Variants in TTC29 observed in about 807,000 individuals in gnomAD.
TTC29 encodes the protein tetratricopeptide repeat protein 29.
In TTC29, 49 loss-of-function variants were observed where a neutral mutation model predicts 58.1. The observed-to-expected ratio is 0.84, with a 90% CI of 0.67 to 1.07. The LOEUF (loss-of-function observed/expected upper bound fraction) is 1.07. TTC29 is among the 50% of genes least tolerant of loss of function. The pLI is 0.00. For missense variants in TTC29, 582 were observed against 555.6 expected, an observed-to-expected ratio of 1.05 and a Z score of -0.48; for synonymous variants, 209 against 196.8, an observed-to-expected ratio of 1.06 and a Z score of -0.52.
chr4:146,806,669 AT>A (rs969067770), intron 10 of TTC29, among the ~76,000 whole-genome samples: 1 of 152,210 alleles, frequency 6.6e-6, no homozygotes, highest in African/African-American at 2.4e-5. Context: ...AAAGGGATCA[AT>A]GAAGCAAGAA....
rs1750376501 is a variant in TTC29, at chr4:146,803,476, A to G, written c.1311T>C (p.Ile437=). The change falls in exon 11 of 13, where the codon ATT becomes ATC. Residue 437 remains isoleucine, a synonymous_variant. Transcript: ENST00000325106. ...LLSWKESRGN[I]EPDPVTEEFR... is the part of the protein sequence containing the mutation. ...CCTTACCAGTAACTGGATCAGGTTCAATGTTACCTCTGCTCTCCTTCCATG... is the reference window on the plus strand; with the variant it reads ...CCTTACCAGTAACTGGATCAGGTTCGATGTTACCTCTGCTCTCCTTCCATG... The G allele has an allele frequency of 6.3e-7, 1 of 1,587,138 alleles. No individual in the cohort carries two copies. Among genetic ancestry groups the G allele is most frequent in the Non-Finnish European group, 8.6e-7 (1 of 1,164,528 alleles).
At chr4:146,940,679 C>CA (rs754144874) in intron 2 of TTC29, among the ~76,000 whole-genome samples, 1 of 152,196 alleles carries the variant, frequency 6.6e-6, no homozygotes, top group Non-Finnish European at 1.5e-5. Context: ...AGCTGGGACT[C>CA]AACTGGGGCT....
At chr4:146,829,491 G>A (rs1039808301) in intron 9 of TTC29, among the ~76,000 whole-genome samples, 1 of 152,116 alleles carries the variant, frequency 6.6e-6, no homozygotes, top group African/African-American at 2.4e-5. Context: ...AAGTAATAAG[G>A]CAAATGGGAT....
intron 6 of TTC29, among the ~76,000 whole-genome samples, chr4:146,897,404 T>C (rs987857253): frequency 3.3e-5 from 5 of 152,026 alleles, no homozygotes; most frequent in African/African-American, 1.2e-4. Context: ...GGCCTCTCTC[T>C]CCTGACAGGG....
At chr4:146,732,308 G>A (rs1172888903) in intron 11 of TTC29, among the ~76,000 whole-genome samples, 2 of 152,062 alleles carry the variant, frequency 1.3e-5, no homozygotes, top group East Asian at 3.9e-4. Context: ...AAGACTATTG[G>A]AAGTATTTTA....
chr4:146,898,598 C>A (rs369452446), intron 6 of TTC29, among the ~76,000 whole-genome samples: 98 of 152,316 alleles, frequency 6.4e-4, no homozygotes, highest in African/African-American at 2.2e-3. Flanking sequence ...GCACTTTCTA[C>A]GTTGTTCTTA....
chr4:146,763,474 G>C (rs897005579), intron 11 of TTC29, among the ~76,000 whole-genome samples: 2 of 151,964 alleles, frequency 1.3e-5, no homozygotes, highest in African/African-American at 4.8e-5. Flanking sequence ...GTGTAGGGTA[G>C]GGTAGAATGT....
At chr4:146,737,601 G>GT (rs200867342) in intron 11 of TTC29, among the ~76,000 whole-genome samples, 2 of 147,736 alleles carry the variant, frequency 1.4e-5, no homozygotes, top group African/African-American at 4.9e-5. Context: ...GGGGGGGGGG[G>GT]GGCTACAAAC....
At chr4:146,930,545 T>C (rs951354154) in intron 4 of TTC29, among the ~76,000 whole-genome samples, 8 of 152,154 alleles carry the variant, frequency 5.3e-5, no homozygotes, top group Non-Finnish European at 1.0e-4. Context: ...ATTTCCAATA[T>C]AGAAAACAGA....
intron 11 of TTC29, among the ~76,000 whole-genome samples, chr4:146,790,620 T>A (rs1172938616): frequency 6.6e-6 from 1 of 152,166 alleles, no homozygotes; most frequent in Non-Finnish European, 1.5e-5. Context: ...ACTTTATACA[T>A]GTAGGTGGAA....
intron 8 of TTC29, among the ~76,000 whole-genome samples, chr4:146,842,068 G>A (rs1245006179): frequency 2.0e-5 from 3 of 151,982 alleles, no homozygotes; most frequent in South Asian, 2.1e-4. Flanking sequence ...ATTATTGGGG[G>A]GGTGCTACTA....
chr4:146,875,181 G>A (rs1731178222), intron 6 of TTC29, among the ~76,000 whole-genome samples: 1 of 152,132 alleles, frequency 6.6e-6, no homozygotes, highest in Non-Finnish European at 1.5e-5. Flanking sequence ...GCTTGCATAT[G>A]TTTAGAGAGG....
chr4:146,873,382 A>G (rs1438841002), intron 7 of TTC29, among the ~76,000 whole-genome samples: 1 of 152,206 alleles, frequency 6.6e-6, no homozygotes, highest in Non-Finnish European at 1.5e-5. Flanking sequence ...ATTAAAAACT[A>G]TAACAGTGTA....
intron 3 of TTC29, 34 bp from the exon 4 acceptor site, chr4:146,937,711 C>G (rs1437613918): frequency 5.4e-6 from 7 of 1,291,196 alleles, no homozygotes; most frequent in Middle Eastern, 1.9e-4. Flanking sequence ...TAAAGCACAG[C>G]CTTATCAAGT....
chr4:146,823,878 T>C (rs1752006316), intron 9 of TTC29, among the ~76,000 whole-genome samples: 1 of 152,194 alleles, frequency 6.6e-6, no homozygotes, highest in African/African-American at 2.4e-5. Flanking sequence ...AAATGGGAGT[T>C]CATTCATGAT....
At chr4:146,724,993 G>A (rs1295209174) in intron 11 of TTC29, among the ~76,000 whole-genome samples, 1 of 152,088 alleles carries the variant, frequency 6.6e-6, no homozygotes, top group Non-Finnish European at 1.5e-5. Context: ...AGTGTAACTG[G>A]AGTATATATG....
chr4:146,737,312 C>T (rs748878646), intron 11 of TTC29, among the ~76,000 whole-genome samples: 9 of 152,090 alleles, frequency 5.9e-5, no homozygotes, highest in Non-Finnish European at 1.2e-4. Context: ...CCCTTCCAGG[C>T]TTGGAAAGTG....
chr4:146,717,666 C>A (rs1743034861), intron 11 of TTC29, among the ~76,000 whole-genome samples: 1 of 152,038 alleles, frequency 6.6e-6, no homozygotes, highest in Non-Finnish European at 1.5e-5. Flanking sequence ...ATGTTATGAT[C>A]TATGAATACA....
intron 8 of TTC29, among the ~76,000 whole-genome samples, chr4:146,860,268 T>C (rs997493852): frequency 1.3e-5 from 2 of 152,178 alleles, no homozygotes; most frequent in Non-Finnish European, 2.9e-5. Context: ...AAATCATTGA[T>C]AGAAATTGTT....
Sources: allele counts gnomAD v4.1 joint callset (sites outside exome capture counted in the v4.1 genomes callset), GRCh38; gene constraint gnomAD v4.1.1; transcripts MANE v1.5; gene names NCBI Gene and HGNC (gene_info 2026-07-23, HGNC 2026-07-21).